The following DLGAP1 variants were observed in gnomAD, a reference collection of about 807,000 sequenced individuals.
DLGAP1 encodes DLG associated protein 1, also known as disks large-associated protein 1.
Under a neutral mutation model 90.8 loss-of-function variants are expected in DLGAP1, and 11 were observed. That is an observed-to-expected ratio of 0.12 (90% CI 0.08 to 0.20). The LOEUF (loss-of-function observed/expected upper bound fraction) is 0.20. DLGAP1 is among the 10% of genes least tolerant of loss of function. The probability of loss-of-function intolerance (pLI) is 1.00; values close to 1 mark genes in which losing one functional copy is unlikely to be tolerated. For synonymous variants in DLGAP1, 558 were observed against 540.7 expected, an observed-to-expected ratio of 1.03 and a Z score of -0.44; for missense variants, 1,050 against 1,333.8, an observed-to-expected ratio of 0.79 and a Z score of 3.31.
chr18:3,729,524 C>A lies in DLGAP1; in HGVS notation c.1351-149G>T. ...CATTTTATTTCCTTTCTGTTACAGG[C>A]TATAATTGAATGGCATCCGCTTATA... is the stretch of plus-strand genomic sequence containing the variant. On this transcript the variant is annotated intron_variant, in intron 6 of 12. Coordinates refer to ENST00000315677, the MANE Select transcript of DLGAP1 (RefSeq NM_004746.4). The surrounding 1 kb of genome is among the most constrained non-coding windows in gnomAD (Gnocchi z 6.2). 2 of 1,131,304 alleles carry A rather than the reference C, an allele frequency of 1.8e-6. No individual in the cohort carries two copies. The highest frequency in any genetic ancestry group is 2.5e-6 in the Non-Finnish European group (2 of 811,118). The allele number at this position is 1,131,304 out of a possible 1,614,324, so 70.1% of individuals were successfully genotyped here.
At chr18:3,838,935 A>G (rs575390752) in intron 4 of DLGAP1, among the ~76,000 whole-genome samples, 9 of 152,312 alleles carry the variant, frequency 5.9e-5, no homozygotes, top group African/African-American at 1.2e-4. Context: ...AAAAAAAATC[A>G]TGTCATAAAA....
At chr18:4,210,684 T>C (rs2077823358) in intron 1 of DLGAP1, among the ~76,000 whole-genome samples, 1 of 152,180 alleles carries the variant, frequency 6.6e-6, no homozygotes, top group African/African-American at 2.4e-5. Context: ...AACATAAAGT[T>C]TATCTGCAGC....
intron 3 of DLGAP1, among the ~76,000 whole-genome samples, chr18:3,960,924 ACTT>A (rs1400426086): frequency 1.3e-5 from 2 of 152,138 alleles, no homozygotes; most frequent in Non-Finnish European, 2.9e-5. Flanking sequence ...TGGGAAATGA[ACTT>A]CTTCTGGCCA....
chr18:4,071,914 T>C (rs1257113991), intron 2 of DLGAP1, among the ~76,000 whole-genome samples: 18 of 152,212 alleles, frequency 1.2e-4, no homozygotes, highest in Non-Finnish European at 2.9e-5. Flanking sequence ...GAGCTGTACT[T>C]CAAGAGAGGA....
At chr18:3,967,174 G>A (rs2073348718) in intron 3 of DLGAP1, among the ~76,000 whole-genome samples, 1 of 152,220 alleles carries the variant, frequency 6.6e-6, no homozygotes, top group African/African-American at 2.4e-5. Context: ...TGGAGGGAAT[G>A]TGCCTACCAC....
chr18:4,287,543 G>C (rs549879667), intron 1 of DLGAP1, among the ~76,000 whole-genome samples: 29 of 152,278 alleles, frequency 1.9e-4, no homozygotes, highest in South Asian at 2.1e-4. Context: ...GTCCTTTGCA[G>C]GGACGTGGAT....
intron 2 of DLGAP1, among the ~76,000 whole-genome samples, chr18:4,091,116 C>A (rs778751353): frequency 6.6e-6 from 1 of 152,094 alleles, no homozygotes; most frequent in African/African-American, 2.4e-5. Context: ...GGGAGAGCAT[C>A]AGGACAAATA....
intron 2 of DLGAP1, among the ~76,000 whole-genome samples, chr18:4,092,979 C>A (rs532187819): frequency 3.3e-5 from 5 of 152,302 alleles, no homozygotes; most frequent in Admixed American, 3.3e-4. Context: ...TGCTCACAAC[C>A]CACATCGTCC....
intron 4 of DLGAP1, among the ~76,000 whole-genome samples, chr18:3,870,709 GAAGT>G (rs1263820926): frequency 6.6e-6 from 1 of 152,004 alleles, no homozygotes; most frequent in African/African-American, 2.4e-5. Context: ...TTATCCTGGA[GAAGT>G]AAGATGAGGG....
rs371963129 is a variant in DLGAP1, at chr18:4,028,913, G to C, written c.-158-23712C>G. Among the ~76,000 whole-genome samples, 85 of 152,000 alleles carry C rather than the reference G, an allele frequency of 5.6e-4. 1 individual carries two copies. The South Asian group carries it at 0.017, about 30-fold the overall frequency. ...CATTTTTACTTAAATTTTTTTTCAAGTATGCAATACATTAACAATAGTCCC... is the reference window on the plus strand; with the variant it reads ...CATTTTTACTTAAATTTTTTTTCAACTATGCAATACATTAACAATAGTCCC... On this transcript the variant is annotated intron_variant, in intron 2 of 12. Transcript: ENST00000315677.
At chr18:3,652,367 G>T (rs576605681) in intron 7 of DLGAP1, among the ~76,000 whole-genome samples, 47 of 151,990 alleles carry the variant, frequency 3.1e-4, no homozygotes, top group Non-Finnish European at 1.0e-4. Flanking sequence ...TCGCTCTGTT[G>T]ACCAGGCTGG....
intron 3 of DLGAP1, among the ~76,000 whole-genome samples, chr18:3,905,986 T>G (rs1398844831): frequency 6.6e-6 from 1 of 152,226 alleles, no homozygotes; most frequent in Non-Finnish European, 1.5e-5. Context: ...ATGACTGCTA[T>G]GACTGTTCTG....
At chr18:3,601,128 T>G (rs2057001708) in intron 7 of DLGAP1, among the ~76,000 whole-genome samples, 1 of 151,512 alleles carries the variant, frequency 6.6e-6, no homozygotes, top group Non-Finnish European at 1.5e-5. Context: ...ACCCTGTGGC[T>G]CAGGCTAGAG....
chr18:4,138,908 T>C (rs2076450126), intron 2 of DLGAP1, among the ~76,000 whole-genome samples: 1 of 152,056 alleles, frequency 6.6e-6, no homozygotes, highest in South Asian at 2.1e-4. Context: ...TCTTCTAGGT[T>C]TTCCAATTTA....
At chr18:3,539,203 T>C (rs2052548809) in intron 9 of DLGAP1, among the ~76,000 whole-genome samples, 1 of 152,248 alleles carries the variant, frequency 6.6e-6, no homozygotes, top group South Asian at 2.1e-4. Flanking sequence ...TTATTGTTTT[T>C]CTGCAATTTT....
intron 1 of DLGAP1, among the ~76,000 whole-genome samples, chr18:4,322,638 A>G (rs2080719282): frequency 6.6e-6 from 1 of 152,194 alleles, no homozygotes. Context: ...AAATAAAAAT[A>G]GACAAATAGG....
chr18:4,127,790 G>C (rs537651516), intron 2 of DLGAP1, among the ~76,000 whole-genome samples: 1 of 152,104 alleles, frequency 6.6e-6, no homozygotes, highest in African/African-American at 2.4e-5. Flanking sequence ...TTTGTCCCAG[G>C]TATGCCACAA....
chr18:4,197,718 G>C (rs966672223), intron 1 of DLGAP1, among the ~76,000 whole-genome samples: 2 of 152,160 alleles, frequency 1.3e-5, no homozygotes, highest in African/African-American at 2.4e-5. Flanking sequence ...GAATATCTAG[G>C]CTGGAATTTC....
chr18:3,637,641 A>G (rs982622629), intron 7 of DLGAP1, among the ~76,000 whole-genome samples: 5 of 151,706 alleles, frequency 3.3e-5, no homozygotes, highest in African/African-American at 1.2e-4. Context: ...CAGCTACTCA[A>G]GACACCAAGG....
Sources: allele counts gnomAD v4.1 joint callset (sites outside exome capture counted in the v4.1 genomes callset), GRCh38; gene constraint gnomAD v4.1.1; non-coding constraint Gnocchi (gnomAD v3.1); transcripts MANE v1.5; gene names NCBI Gene and HGNC (gene_info 2026-07-23, HGNC 2026-07-21).